Variants in WARS1 observed in about 807,000 individuals in gnomAD.
WARS1 encodes the protein tryptophanyl-tRNA synthetase 1.
WARS1 carries 17 observed loss-of-function variants against 47.8 expected under a neutral mutation model. The observed-to-expected ratio is 0.36, with a 90% CI of 0.24 to 0.53. The LOEUF (loss-of-function observed/expected upper bound fraction) is 0.53. Ranked by LOEUF, WARS1 falls within the 20% of genes least tolerant of loss-of-function variation. The probability of loss-of-function intolerance (pLI) is 0.91; values close to 1 mark genes in which losing one functional copy is unlikely to be tolerated. For synonymous variants in WARS1, 208 were observed against 228.1 expected (o/e 0.91, Z 0.79); for missense variants, 434 against 608.0 (o/e 0.71, Z 3.01).
At chr14:100,352,710 C>T (rs1395129097) in intron 6 of WARS1, among the ~76,000 whole-genome samples, 3 of 152,028 alleles carry the variant, frequency 2.0e-5, no homozygotes, top group South Asian at 2.1e-4. Context: ...GGAGAGACCA[C>T]GCCTTAGGGG....
At chr14:100,340,984 G>A (rs534429081) in intron 9 of WARS1, among the ~76,000 whole-genome samples, 2 of 146,982 alleles carry the variant, frequency 1.4e-5, no homozygotes, top group African/African-American at 5.0e-5. Context: ...GTGCGATCTC[G>A]GCTCACTGCA....
chr14:100,369,046 G>A (rs776795574), intron 2 of WARS1, 41 bp downstream of exon 2: 2 of 1,441,574 alleles, frequency 1.4e-6, no homozygotes, highest in Admixed American at 4.1e-5. Context: ...AGACTTGGGA[G>A]GCTCAGCTGC....
intron 1 of WARS1, among the ~76,000 whole-genome samples, chr14:100,369,654 T>C (rs1247440893): frequency 1.3e-5 from 2 of 151,920 alleles, no homozygotes; most frequent in Admixed American, 6.6e-5. Flanking sequence ...AGTTCATTGC[T>C]AAAAACTTTT....
chr14:100,361,305 A>T (rs151185626), intron 3 of WARS1, among the ~76,000 whole-genome samples: 1 of 152,368 alleles, frequency 6.6e-6, no homozygotes, highest in African/African-American at 2.4e-5. Context: ...GTGAGAAGTC[A>T]CTGCTCTTAA....
At chr14:100,359,611 C>T (rs1566857930) in intron 4 of WARS1, among the ~76,000 whole-genome samples, 1 of 152,054 alleles carries the variant, frequency 6.6e-6, no homozygotes, top group Non-Finnish European at 1.5e-5. Flanking sequence ...AGGTGATTGC[C>T]AAGGTCTGAT....
At chr14:100,342,699 T>G in intron 8 of WARS1, 128 bp from the exon 9 acceptor site, 1 of 664,766 alleles carries the variant, frequency 1.5e-6, no homozygotes, top group Non-Finnish European at 2.2e-6. Context: ...CACTCCCTCC[T>G]CCCCTTCATC....
intron 6 of WARS1, among the ~76,000 whole-genome samples, chr14:100,348,650 G>T (rs1894780310): frequency 6.6e-6 from 1 of 152,132 alleles, no homozygotes; most frequent in South Asian, 2.1e-4. Context: ...ACCGCAGCAG[G>T]ACTCACAGCC....
In WARS1 at chr14:100,361,741, T is replaced by C; in HGVS notation, c.280A>G (p.Ser94Gly). The C allele has an allele frequency of 6.2e-7, 1 of 1,614,166 alleles. No homozygotes were observed. The highest frequency in any genetic ancestry group is 8.5e-7 in the Non-Finnish European group (1 of 1,180,026). ...TTATCGTAGTCTATGCCTTTTGCAC[T>C]GCTTGTCTGTACTGTCCATGGGTCC... Reference protein sequence around the residue: ...FVDPWTVQTSSAKGIDYDKLI... With the variant: ...FVDPWTVQTSGAKGIDYDKLI... The change falls in exon 3 of 11, where the codon AGT becomes GGT. Residue 94 changes from serine (S) to glycine (G), a missense_variant. Transcript: ENST00000392882.
intron 4 of WARS1, among the ~76,000 whole-genome samples, chr14:100,359,244 C>A (rs998685338): frequency 6.6e-5 from 10 of 152,004 alleles, no homozygotes; most frequent in Admixed American, 2.0e-4. Flanking sequence ...TTGTTGATAA[C>A]CAAAAAGTGA....
In WARS1 at chr14:100,369,249, C is replaced by T. The variant is rs978097192; in HGVS notation, c.-64G>A. 25 of 340,728 alleles carry T rather than the reference C, an allele frequency of 7.3e-5. No individual in the cohort carries two copies. The highest frequency in any genetic ancestry group is 1.6e-4 in the African/African-American group (6 of 36,866). The allele number at this position is 340,728 out of a possible 1,614,324, so 21.1% of individuals were successfully genotyped here. On this transcript the variant is annotated 5_prime_UTR_variant, in exon 2 of 11. Coordinates refer to ENST00000392882, the MANE Select transcript of WARS1 (RefSeq NM_004184.4). ...GAGGTCAGAGGATTTGTTCAGCAGA[C>T]GAGTCAAGACTGGGGTGGGGGCGGG...
chr14:100,362,289 G>A (rs906572004), intron 2 of WARS1, among the ~76,000 whole-genome samples: 3 of 152,284 alleles, frequency 2.0e-5, no homozygotes, highest in South Asian at 2.1e-4. Context: ...GCCAGAGAAC[G>A]TGTGTGACAA....
At position 100,337,216 on chromosome 14, in the gene WARS1, G is replaced by C. The variant is rs1179027539; in HGVS notation, c.1114-14C>G. On this transcript the variant is annotated splice_polypyrimidine_tract_variant and intron_variant, in intron 9 of 10. Coordinates refer to ENST00000392882, the MANE Select transcript of WARS1 (RefSeq NM_004184.4). ...ATGCTTATTGACCTGCACCAGAAGA[G>C]GACACAGACACGCTCCTCAGTCCTG... The C allele has an allele frequency of 1.2e-6, 2 of 1,612,482 alleles. No homozygotes were observed. The highest frequency in any genetic ancestry group is 1.7e-5 in the Admixed American group (1 of 60,002).
rs1339760780 is a variant in WARS1 at position 100,340,907 on chromosome 14, TTTTTC to T, written c.1113+1486_1113+1490del. Among the ~76,000 whole-genome samples, 12 of 147,508 alleles carry T rather than the reference TTTTTC, an allele frequency of 8.1e-5. No individual in the cohort carries two copies. The South Asian group carries it at 1.9e-3, about 23-fold the overall frequency. On this transcript the variant is annotated intron_variant, in intron 9 of 10. Transcript: ENST00000392882. ...CCCAGATCCATAAACAAGTTTTTCT[TTTTTC>T]TTTTCTTTTTTTTTTTTTTTGAGCT... is the stretch of plus-strand genomic sequence containing the variant.
chr14:100,370,419 T>C (rs928821190), intron 1 of WARS1: 1 of 152,226 alleles, frequency 6.6e-6, no homozygotes, highest in Non-Finnish European at 1.5e-5. Context: ...CTTTGTAAAC[T>C]GTAAAGCAAG....
chr14:100,336,275 CAAAA>C (rs56343247), intron 10 of WARS1, among the ~76,000 whole-genome samples: 1 of 113,996 alleles, frequency 8.8e-6, no homozygotes. Context: ...GACTCTGTCT[CAAAA>C]AAAAAAAAAA....
At chr14:100,365,301 C>A (rs1160990008) in intron 2 of WARS1, among the ~76,000 whole-genome samples, 1 of 151,776 alleles carries the variant, frequency 6.6e-6, no homozygotes, top group South Asian at 2.1e-4. Context: ...GAAGTCGGGC[C>A]GGGCGTGGTG....
At chr14:100,360,259 C>T (rs139867010) in intron 4 of WARS1, among the ~76,000 whole-genome samples, 127 of 152,308 alleles carry the variant, frequency 8.3e-4, no homozygotes, top group African/African-American at 3.0e-3. Context: ...GTTTTCATGA[C>T]ATTTTATAAT....
chr14:100,369,154 T>C lies in WARS1; in HGVS notation c.32A>G (p.Glu11Gly). The change falls in exon 2 of 11, where the codon GAG becomes GGG. Residue 11 changes from glutamate to glycine, a missense_variant. Physicochemically the swap from Glu to Gly is moderately conservative, Grantham distance 98 (BLOSUM62 -2). Coordinates refer to ENST00000392882, the MANE Select transcript of WARS1 (RefSeq NM_004184.4). Reference protein sequence around the residue: MPNSEPASLLELFNSIATQGE... With the variant: MPNSEPASLLGLFNSIATQGE... ...TTGTGTGGCGATGCTGTTGAACAGC[T>C]CCAGCAGAGATGCGGGCTCACTGTT... 1 of 1,549,590 alleles carries C rather than the reference T, an allele frequency of 6.5e-7. No individual in the cohort carries two copies. Among genetic ancestry groups the C allele is most frequent in the Non-Finnish European group, 8.8e-7 (1 of 1,137,296 alleles).
intron 4 of WARS1, among the ~76,000 whole-genome samples, chr14:100,359,982 G>C (rs984869083): frequency 2.0e-5 from 3 of 152,116 alleles, no homozygotes; most frequent in African/African-American, 7.2e-5. Context: ...CATGGACACA[G>C]CTTCAAAAAG....
Sources: gnomAD v4.1 joint callset for allele counts (sites outside exome capture counted in the v4.1 genomes callset) on GRCh38, gnomAD v4.1.1 for gene constraint, MANE v1.5 for transcripts, NCBI Gene and HGNC (gene_info 2026-07-23, HGNC 2026-07-21) for gene names.